VPS41: variants seen among roughly 807,000 people sequenced by gnomAD.
The protein encoded by VPS41 is vacuolar protein sorting-associated protein 41 homolog.
VPS41 carries 85 observed loss-of-function variants against 130.9 expected under a neutral mutation model. The observed-to-expected ratio is 0.65, with a 90% CI of 0.55 to 0.78. The LOEUF (loss-of-function observed/expected upper bound fraction) is 0.78. Ranked by LOEUF, VPS41 falls within the 30% of genes least tolerant of loss-of-function variation. The pLI, the probability that VPS41 is intolerant of heterozygous loss-of-function variation, is 0.00. For missense variants in VPS41, 874 were observed against 1,018.7 expected, an observed-to-expected ratio of 0.86 and a Z score of 1.93; for synonymous variants, 335 against 332.9, an observed-to-expected ratio of 1.01 and a Z score of -0.07.
chr7:38,782,669 G>C (rs1372391672), intron 10 of VPS41, among the ~76,000 whole-genome samples: 1 of 152,200 alleles, frequency 6.6e-6, no homozygotes, highest in African/African-American at 2.4e-5. Context: ...GTCAGGGTTA[G>C]AGTCACAAAT....
At chr7:38,728,863 T>A (rs1795602317) in intron 25 of VPS41, 72 bp from the exon 26 acceptor site, 2 of 1,347,038 alleles carry the variant, frequency 1.5e-6, no homozygotes, top group African/African-American at 1.5e-5. Context: ...GACACTGTAC[T>A]GGGGATTCCA....
intron 16 of VPS41, among the ~76,000 whole-genome samples, chr7:38,764,859 G>A (rs531933563): frequency 2.8e-4 from 42 of 152,016 alleles, no homozygotes; most frequent in African/African-American, 9.7e-4. Context: ...TCAAAAAAAA[G>A]GTCCAAGTTA....
At chr7:38,810,220 GA>G (rs139448050) in intron 7 of VPS41, among the ~76,000 whole-genome samples, 2,824 of 151,756 alleles carry the variant, frequency 0.019, 94 homozygotes, top group African/African-American at 0.064. Context: ...AAGATACCTT[GA>G]AAACCTAAAA....
chr7:38,741,833 A>G, intron 25 of VPS41, 152 bp downstream of exon 25: 1 of 842,654 alleles, frequency 1.2e-6, no homozygotes, highest in Non-Finnish European at 1.8e-6. Flanking sequence ...TAATTACTCT[A>G]TTTGAACAGT....
intron 4 of VPS41, among the ~76,000 whole-genome samples, chr7:38,861,281 G>A (rs1288773209): frequency 1.3e-5 from 2 of 152,090 alleles, no homozygotes; most frequent in African/African-American, 4.8e-5. Flanking sequence ...ATGGGAGTAG[G>A]AAATGTAAGA....
intron 5 of VPS41, among the ~76,000 whole-genome samples, chr7:38,821,706 CAAAAAAAAAA>C (rs10669199): frequency 1.7e-5 from 2 of 117,550 alleles, no homozygotes; most frequent in Non-Finnish European, 3.4e-5. Flanking sequence ...GACTCCGTCT[CAAAAAAAAAA>C]AAAAAGAAAA....
intron 2 of VPS41, among the ~76,000 whole-genome samples, chr7:38,878,741 A>T (rs972431893): frequency 6.6e-6 from 1 of 152,226 alleles, no homozygotes; most frequent in Non-Finnish European, 1.5e-5. Flanking sequence ...TTCTGATCTT[A>T]AAAAAGCTTT....
chr7:38,747,148 A>G (rs1796001865), intron 22 of VPS41, among the ~76,000 whole-genome samples: 1 of 152,200 alleles, frequency 6.6e-6, no homozygotes, highest in Non-Finnish European at 1.5e-5. Context: ...CCTGTCAATC[A>G]CCATTGTAAA....
chr7:38,765,516 T>C, intron 16 of VPS41, 64 bp downstream of exon 16: 2 of 1,106,878 alleles, frequency 1.8e-6, no homozygotes, highest in Non-Finnish European at 2.6e-6. Context: ...ATTATCTTTG[T>C]TTCCACTGCA....
At chr7:38,731,838 A>T (rs1160132052) in intron 25 of VPS41, among the ~76,000 whole-genome samples, 1 of 152,166 alleles carries the variant, frequency 6.6e-6, no homozygotes, top group African/African-American at 2.4e-5. Context: ...AGATTTAACA[A>T]ATCTGTTGAT....
At chr7:38,786,610 A>G (rs1784443623) in intron 10 of VPS41, among the ~76,000 whole-genome samples, 1 of 152,236 alleles carries the variant, frequency 6.6e-6, no homozygotes, top group Non-Finnish European at 1.5e-5. Context: ...TATTCACTAC[A>G]AAGTTCTTTT....
chr7:38,859,585 T>C (rs1189892242), intron 4 of VPS41, among the ~76,000 whole-genome samples: 2 of 152,124 alleles, frequency 1.3e-5, no homozygotes, highest in Non-Finnish European at 2.9e-5. Flanking sequence ...AGGACAATAA[T>C]ATGCTGTACA....
chr7:38,823,137 A>G (rs902362602), intron 5 of VPS41, among the ~76,000 whole-genome samples: 2 of 152,180 alleles, frequency 1.3e-5, no homozygotes, highest in African/African-American at 4.8e-5. Flanking sequence ...TAGGGCCTTT[A>G]GTGAGTGATT....
intron 22 of VPS41, among the ~76,000 whole-genome samples, chr7:38,749,069 G>T (rs1225158836): frequency 1.3e-5 from 2 of 152,104 alleles, no homozygotes; most frequent in African/African-American, 4.8e-5. Flanking sequence ...CACAAACTCT[G>T]TATTTCCTTT....
chr7:38,784,039 T>G (rs13236092), intron 10 of VPS41, among the ~76,000 whole-genome samples: 9,829 of 152,282 alleles, frequency 0.065, 472 homozygotes, highest in South Asian at 0.14. Flanking sequence ...AAATTACAAA[T>G]TTTATAAAAC....
intron 16 of VPS41, among the ~76,000 whole-genome samples, chr7:38,765,328 C>CTT (rs1215049987): frequency 6.6e-6 from 1 of 151,970 alleles, no homozygotes; most frequent in Non-Finnish European, 1.5e-5. Flanking sequence ...AGCATGAAAA[C>CTT]TTCATCTAAA....
At chr7:38,826,177 G>C (rs1463198016) in intron 5 of VPS41, among the ~76,000 whole-genome samples, 1 of 152,108 alleles carries the variant, frequency 6.6e-6, no homozygotes, top group Non-Finnish European at 1.5e-5. Flanking sequence ...ATTTAGTTAC[G>C]GGAAACTGAG....
At position 38,811,784 on chromosome 7, in the gene VPS41, G is replaced by C. The variant is rs1376018089; in HGVS notation, c.450+6033C>G. Among the ~76,000 whole-genome samples, 6 of 152,004 alleles carry C rather than the reference G, an allele frequency of 3.9e-5. No individual in the cohort carries two copies. The East Asian group carries it at 1.2e-3, about 29-fold the overall frequency. ...TGATGATATATAATGGCTTTTTAAA[G>C]GGAAAGAACCCCAAACCAAAGTTTT... On this transcript the variant is annotated intron_variant, in intron 7 of 28. Transcript: ENST00000310301.
chr7:38,726,388 C>A (rs1159254556), intron 28 of VPS41, 62 bp from the exon 29 acceptor site: 20 of 1,321,264 alleles, frequency 1.5e-5, no homozygotes, highest in Non-Finnish European at 2.1e-5. Flanking sequence ...CTCTCATATT[C>A]AGAAACACTA....
Sources: gnomAD v4.1 joint callset for allele counts (sites outside exome capture counted in the v4.1 genomes callset) on GRCh38, gnomAD v4.1.1 for gene constraint, MANE v1.5 for transcripts, NCBI Gene and HGNC (gene_info 2026-07-23, HGNC 2026-07-21) for gene names.